Variants in KIRREL3 observed in about 807,000 individuals in gnomAD.
KIRREL3 encodes kirre like nephrin family adhesion molecule 3.
A neutral mutation model predicts 89.7 loss-of-function variants in KIRREL3; 36 were observed. The ratio of observed to expected loss-of-function variants is 0.40; its 90% CI spans 0.31 to 0.53. The LOEUF (loss-of-function observed/expected upper bound fraction) is 0.53. KIRREL3 is among the 20% of genes least tolerant of loss of function. The pLI, the probability that KIRREL3 is intolerant of heterozygous loss-of-function variation, is 0.49. For synonymous variants in KIRREL3, 445 were observed against 441.4 expected (o/e 1.01, Z -0.10); for missense variants, 864 against 1,056.6 (o/e 0.82, Z 2.53).
At chr11:126,437,676 C>T (rs982371423) in intron 11 of KIRREL3, among the ~76,000 whole-genome samples, 1 of 151,396 alleles carries the variant, frequency 6.6e-6, no homozygotes, top group Non-Finnish European at 1.5e-5. Context: ...ATGGCAGACA[C>T]GACACCACAT....
At chr11:126,929,954 C>G (rs938656392) in intron 1 of KIRREL3, among the ~76,000 whole-genome samples, 5 of 152,020 alleles carry the variant, frequency 3.3e-5, no homozygotes, top group South Asian at 2.1e-4. Context: ...AGCCACCCCC[C>G]CCCCCCCACC....
chr11:126,735,231 T>C (rs1197013714), intron 1 of KIRREL3, among the ~76,000 whole-genome samples: 3 of 152,210 alleles, frequency 2.0e-5, no homozygotes, highest in African/African-American at 7.2e-5. Flanking sequence ...ATAAAACCCA[T>C]GACAGAAACT....
rs556141193 is a variant in KIRREL3, at chr11:126,830,696, T to C, written c.55+169759A>G. ...CGCATTCATTGTCTAACTGCCTGGATGCAAAACTAACTTAGCATAGCAGCT... is the reference window on the plus strand; with the variant it reads ...CGCATTCATTGTCTAACTGCCTGGACGCAAAACTAACTTAGCATAGCAGCT... On this transcript the variant is annotated intron_variant, in intron 1 of 16. Transcript: ENST00000525144. The surrounding 1 kb of genome is among the most constrained non-coding windows in gnomAD (Gnocchi z 4.9). Among the ~76,000 whole-genome samples the C allele has an allele frequency of 3.9e-5, 6 of 152,316 alleles. No homozygotes were observed. The highest frequency in any genetic ancestry group is 2.0e-4 in the Admixed American group (3 of 15,306).
intron 5 of KIRREL3, among the ~76,000 whole-genome samples, chr11:126,467,063 G>T (rs77658677): frequency 5.5e-4 from 84 of 152,342 alleles, no homozygotes; most frequent in African/African-American, 1.2e-3. Flanking sequence ...TATAGATGGC[G>T]TGTGTGCAGC....
intron 1 of KIRREL3, among the ~76,000 whole-genome samples, chr11:126,599,744 C>T (rs976854569): frequency 1.3e-5 from 2 of 152,188 alleles, no homozygotes; most frequent in Non-Finnish European, 2.9e-5. Flanking sequence ...AGTAATGACC[C>T]TCTGATGTGT....
At chr11:126,937,753 G>T (rs1948262549) in intron 1 of KIRREL3, among the ~76,000 whole-genome samples, 1 of 152,162 alleles carries the variant, frequency 6.6e-6, no homozygotes, top group Non-Finnish European at 1.5e-5. Context: ...CAAAAAATCA[G>T]CCGGGCGTGG....
In KIRREL3 at chr11:126,782,758, A is replaced by G. The variant is rs1461487453; in HGVS notation, c.55+217697T>C. ...TATATTTAGCTTAATATAGATATAG[A>G]TGTTATGTATGGAAATATTTATAGC... On this transcript the variant is annotated intron_variant, in intron 1 of 16. Transcript: ENST00000525144. The surrounding 1 kb of genome is among the most constrained non-coding windows in gnomAD (Gnocchi z 4.1). Among the ~76,000 whole-genome samples, 1 of 152,180 alleles carries G rather than the reference A, an allele frequency of 6.6e-6. No homozygotes were observed. The highest frequency in any genetic ancestry group is 1.5e-5 in the Non-Finnish European group (1 of 68,050).
At chr11:126,478,532 TATGTGTGTAC>T (rs1010796913) in intron 4 of KIRREL3, among the ~76,000 whole-genome samples, 6 of 152,120 alleles carry the variant, frequency 3.9e-5, no homozygotes, top group African/African-American at 1.4e-4. Context: ...TGTGTGTATA[TATGTGTGTAC>T]ATGTGTGTAT....
chr11:126,673,729 A>G (rs73631505), intron 1 of KIRREL3, among the ~76,000 whole-genome samples: 2,670 of 152,222 alleles, frequency 0.018, 101 homozygotes, highest in African/African-American at 0.061. Flanking sequence ...ATTCAGGAAA[A>G]AGTCTAGGTT....
chr11:126,845,039 C>A, intron 1 of KIRREL3, among the ~76,000 whole-genome samples: 1 of 152,176 alleles, frequency 6.6e-6, no homozygotes, highest in East Asian at 1.9e-4. Flanking sequence ...TCTTGGCCAG[C>A]GACCACAAGT....
chr11:126,450,783 A>C (rs1257012639), intron 7 of KIRREL3, among the ~76,000 whole-genome samples: 1 of 144,898 alleles, frequency 6.9e-6, no homozygotes, highest in African/African-American at 2.6e-5. Context: ...GAGGGTGTGC[A>C]TCTGTGCATG....
rs756297576 is a variant in KIRREL3 at position 126,686,410 on chromosome 11, C to G, written c.56-123498G>C. Among the ~76,000 whole-genome samples, 32 of 152,176 alleles carry G rather than the reference C, an allele frequency of 2.1e-4. No individual in the cohort carries two copies. Among genetic ancestry groups the G allele is most frequent in the Admixed American group, 1.6e-3 (24 of 15,280 alleles). On this transcript the variant is annotated intron_variant, in intron 1 of 16. Coordinates refer to ENST00000525144, the MANE Select transcript of KIRREL3 (RefSeq NM_032531.4). The surrounding 1 kb of genome is among the most constrained non-coding windows in gnomAD (Gnocchi z 4.7). ...GAGCTGCAGAGACAGAAGACACCATCCTATTTTTATAAGCCTTGTGGGTCT... is the reference window on the plus strand; with the variant it reads ...GAGCTGCAGAGACAGAAGACACCATGCTATTTTTATAAGCCTTGTGGGTCT...
At chr11:126,803,148 C>T (rs1951092852) in intron 1 of KIRREL3, among the ~76,000 whole-genome samples, 1 of 152,206 alleles carries the variant, frequency 6.6e-6, no homozygotes, top group African/African-American at 2.4e-5. Flanking sequence ...CCAGCCCTAA[C>T]TGATTAAACG....
intron 1 of KIRREL3, among the ~76,000 whole-genome samples, chr11:126,866,279 G>C (rs1331693582): frequency 2.6e-5 from 4 of 152,214 alleles, no homozygotes; most frequent in African/African-American, 9.6e-5. Context: ...GGGAGATGCT[G>C]CTTCCCTTTC....
intron 6 of KIRREL3, among the ~76,000 whole-genome samples, chr11:126,460,417 A>G (rs975282191): frequency 6.6e-6 from 1 of 152,154 alleles, no homozygotes. Flanking sequence ...CCATGTACAG[A>G]GGAGGAAATC....
At chr11:126,467,689 TCCC>T (rs1248708987) in intron 5 of KIRREL3, among the ~76,000 whole-genome samples, 1 of 151,680 alleles carries the variant, frequency 6.6e-6, no homozygotes, top group Non-Finnish European at 1.5e-5. Context: ...TGCTTGGGGC[TCCC>T]CATGGGCTGG....
rs79336673 is a variant in KIRREL3, at chr11:126,444,854, C to T, written c.1252+125G>A. ...GAGGTGGACCTAATTGTTGTCTACC[C>T]ATAGTTGGAGGTGACAGCAAGGCCC... On this transcript the variant is annotated intron_variant, in intron 10 of 16. Transcript: ENST00000525144. 1,379 of 1,282,300 alleles carry T rather than the reference C, an allele frequency of 1.1e-3. 19 individuals carry two copies. The African/African-American group carries it at 0.019, about 17-fold the overall frequency. The allele number at this position is 1,282,300 out of a possible 1,614,324, so 79.4% of individuals were successfully genotyped here.
At position 126,519,204 on chromosome 11, in the gene KIRREL3, T is replaced by C. The variant is rs1040193282; in HGVS notation, c.433+2111A>G. Among the ~76,000 whole-genome samples the C allele has an allele frequency of 2.6e-5, 4 of 152,194 alleles. No homozygotes were observed. Among genetic ancestry groups the C allele is most frequent in the African/African-American group, 9.6e-5 (4 of 41,452 alleles). ...AGGGGGAGCGAATGCCTTTTAGACATGACCTAAGACAAAATCGGGTCTGTT... is the reference window on the plus strand; with the variant it reads ...AGGGGGAGCGAATGCCTTTTAGACACGACCTAAGACAAAATCGGGTCTGTT... On this transcript the variant is annotated intron_variant, in intron 4 of 16. Coordinates refer to ENST00000525144, the MANE Select transcript of KIRREL3 (RefSeq NM_032531.4). This position sits in a 1 kb window ranked among gnomAD's most constrained non-coding sequence, Gnocchi z 4.3.
At chr11:126,438,117 G>A (rs554629526) in intron 11 of KIRREL3, among the ~76,000 whole-genome samples, 4 of 152,372 alleles carry the variant, frequency 2.6e-5, no homozygotes, top group South Asian at 4.1e-4. Flanking sequence ...GTTGGCCTGC[G>A]CACTGCGCCT....
Sources: allele counts gnomAD v4.1 joint callset (sites outside exome capture counted in the v4.1 genomes callset), GRCh38; gene constraint gnomAD v4.1.1; non-coding constraint Gnocchi (gnomAD v3.1); transcripts MANE v1.5; gene names NCBI Gene and HGNC (gene_info 2026-07-23, HGNC 2026-07-21).